Variants in KIF26A observed in about 807,000 individuals in gnomAD.
KIF26A encodes kinesin family member 26A.
Under a neutral mutation model 126.0 loss-of-function variants are expected in KIF26A, and 74 were observed. The observed-to-expected ratio is 0.59, with a 90% confidence interval of 0.49 to 0.71. The LOEUF (loss-of-function observed/expected upper bound fraction) is 0.71, where lower values mean the gene tolerates loss of function less well. KIF26A is among the 30% of genes least tolerant of loss of function. The pLI is 0.00. For synonymous variants in KIF26A, 1,445 were observed against 1,232.7 expected (o/e 1.17, Z -3.61); for missense variants, 2,984 against 2,763.3 (o/e 1.08, Z -1.79).
chr14:104,178,529 G>C (rs941266584), intron 12 of KIF26A, 21 bp from the exon 13 acceptor site: 8 of 1,439,498 alleles, frequency 5.6e-6, no homozygotes, highest in Non-Finnish European at 7.3e-6. Context: ...TGTTCACCCT[G>C]TGCCCGGCTC....
At chr14:104,174,703 G>T (rs7148484) in intron 11 of KIF26A, among the ~76,000 whole-genome samples, 1 of 152,118 alleles carries the variant, frequency 6.6e-6, no homozygotes, top group Non-Finnish European at 1.5e-5. Context: ...TGTGAGTCCT[G>T]GCCACTGGCC....
chr14:104,162,337 G>C (rs34785007), intron 4 of KIF26A, among the ~76,000 whole-genome samples: 1 of 152,088 alleles, frequency 6.6e-6, no homozygotes, highest in African/African-American at 2.4e-5. Context: ...GAGGACGCCC[G>C]GTCCCAGCCT....
intron 2 of KIF26A, among the ~76,000 whole-genome samples, chr14:104,140,795 CT>C (rs1222941114): frequency 3.3e-5 from 5 of 152,196 alleles, no homozygotes; most frequent in Non-Finnish European, 7.4e-5. Context: ...CTGGAAACTC[CT>C]CTTGAGTGCC....
chr14:104,159,438 C>T (rs1319196474), intron 4 of KIF26A, among the ~76,000 whole-genome samples: 1 of 152,214 alleles, frequency 6.6e-6, no homozygotes, highest in East Asian at 1.9e-4. Flanking sequence ...TGATGCTAAG[C>T]CCCCTGGTGC....
intron 12 of KIF26A, 22 bp downstream of exon 12, chr14:104,177,920 C>T (rs1285456695): frequency 8.1e-6 from 12 of 1,484,032 alleles, no homozygotes; most frequent in Non-Finnish European, 1.1e-5. Flanking sequence ...GGTGCACAGC[C>T]CTCTACAGTT....
intron 14 of KIF26A, 73 bp downstream of exon 14, chr14:104,179,459 C>T (rs2038076361): frequency 1.4e-6 from 2 of 1,438,784 alleles, no homozygotes; most frequent in South Asian, 1.4e-5. Flanking sequence ...CTCCCAGAGC[C>T]CTGTTGCTCT....
rs114622037 is a variant in KIF26A, at chr14:104,152,685, C to T, written c.735+224C>T. On this transcript the variant is annotated intron_variant, in intron 3 of 14. Transcript: ENST00000423312. This position sits in a 1 kb window ranked among gnomAD's most constrained non-coding sequence, Gnocchi z 5.9. The stretch of plus-strand genomic sequence containing the variant: ...CCCTGCCTGACTCAGGGAATACCTT[C>T]TCTGGGAGCACGTGCCCCTCCCTGT... Among the ~76,000 whole-genome samples, 805 of 152,362 alleles carry T rather than the reference C, an allele frequency of 5.3e-3. 14 individuals are homozygous for T. The highest frequency in any genetic ancestry group is 0.047 in the Admixed American group (713 of 15,310).
intron 12 of KIF26A, 25 bp from the exon 13 acceptor site, chr14:104,178,525 C>A (rs1018112522): frequency 5.6e-6 from 8 of 1,431,550 alleles, no homozygotes; most frequent in Non-Finnish European, 7.3e-6. Flanking sequence ...CCTCTGTTCA[C>A]CCTGTGCCCG....
Position 104,175,975 on chromosome 14 carries a change from CTGCGGGCCCTGGCCTCGGGGT to C in KIF26A, c.3188_3208del (p.Leu1063_Ser1070delinsPro), listed in dbSNP as rs1566865590. ...GGCTAGCTTCGACAGTGACTGCTCC[CTGCGGGCCCTGGCCTCGGGGT>C]CCCGGCCAGTCAGCATCATCAGCAG... On this transcript the variant is annotated inframe_deletion, in exon 12 of 15. Coordinates refer to ENST00000423312, the MANE Select transcript of KIF26A (RefSeq NM_015656.2). The C allele has an allele frequency of 6.3e-7, 1 of 1,575,708 alleles. No individual in the cohort carries two copies. The highest frequency in any genetic ancestry group is 1.8e-5 in the Admixed American group (1 of 56,602).
rs866780027 is a variant in KIF26A, at chr14:104,171,769, C to T, written c.1160C>T (p.Ser387Leu). ...RIWPAQGAQR[S>L]AEAMSFLKVD... ...TGGCCCGCACAGGGGGCCCAGCGCT[C>T]GGCCGAGGCCATGTCCTTCCTGAAG... Residue 387 changes from serine to leucine, a missense_variant, in exon 6 of 15, where the codon TCG (serine) becomes TTG (leucine). Transcript: ENST00000423312. 7 of 1,580,386 alleles carry T rather than the reference C, an allele frequency of 4.4e-6. No individual in the cohort carries two copies. The highest frequency in any genetic ancestry group is 1.2e-5 in the South Asian group (1 of 86,210).
rs574262657 is a variant in KIF26A, at chr14:104,179,094, C to T, written c.5317-142C>T. ...GGGCATGGGTGGGCTGCCCCAGGTC[C>T]GCCCCCTGCCCGCCCTTGGAGCCCC... On this transcript the variant is annotated intron_variant, in intron 13 of 14. Transcript: ENST00000423312. 67 of 985,366 alleles carry T rather than the reference C, an allele frequency of 6.8e-5. No homozygotes were observed. In the Admixed American group the frequency reaches 1.1e-3, roughly 17 times the overall value. 61.0% of individuals were successfully genotyped at this position (985,366 alleles called of 1,614,324 possible).
rs575330100 is a variant in KIF26A, at chr14:104,159,674, C to T, written c.923+1732C>T. ...GGTTCTCCCAAGGCGGGGGCGCTGC[C>T]GGCTGCCATTACTTCCAGCCTGTTA... is the stretch of plus-strand genomic sequence containing the variant. On this transcript the variant is annotated intron_variant, in intron 4 of 14. Transcript: ENST00000423312. Among the ~76,000 whole-genome samples the T allele has an allele frequency of 3.9e-5, 6 of 152,344 alleles. No homozygotes were observed. In the South Asian group the frequency reaches 1.2e-3, roughly 32 times the overall value.
At chr14:104,179,418 G>T (rs752491728) in intron 14 of KIF26A, 32 bp downstream of exon 14, 5 of 1,470,500 alleles carry the variant, frequency 3.4e-6, no homozygotes, top group Non-Finnish European at 3.6e-6. Flanking sequence ...ACCCAGCCCG[G>T]CCCACCGTGT....
At chr14:104,155,595 C>T (rs990955804) in intron 3 of KIF26A, among the ~76,000 whole-genome samples, 2 of 152,212 alleles carry the variant, frequency 1.3e-5, no homozygotes, top group East Asian at 1.9e-4. Context: ...CCCCTGCCCC[C>T]GGCTCTCGCT....
chr14:104,138,755 G>A lies in KIF26A; in HGVS notation c.33G>A (p.Ala11=). MVGRGVPLCA[A]QPAVAEGGPA... ...GCCGCGGCGTCCCTCTGTGCGCTGC[G>A]CAGCCCGCGGTACGCGCGGCCCGGC... The change falls in exon 1 of 15, where the codon GCG becomes GCA. Residue 11 remains alanine, a synonymous_variant. Coordinates refer to ENST00000423312, the MANE Select transcript of KIF26A (RefSeq NM_015656.2). 1 of 1,260,258 alleles carries A rather than the reference G, an allele frequency of 7.9e-7. No individual in the cohort carries two copies. The allele number at this position is 1,260,258 out of a possible 1,614,324, so 78.1% of individuals were successfully genotyped here.
intron 3 of KIF26A, among the ~76,000 whole-genome samples, chr14:104,154,179 A>G (rs1385685693): frequency 6.6e-6 from 1 of 152,052 alleles, no homozygotes; most frequent in African/African-American, 2.4e-5. Context: ...AATCTCCACC[A>G]CAGACCGTCA....
Position 104,152,233 on chromosome 14 carries a change from C to T in KIF26A, c.507C>T (p.Ser169=), listed in dbSNP as rs756362264. 34 of 1,599,266 alleles carry T rather than the reference C, an allele frequency of 2.1e-5. No homozygotes were observed. The East Asian group carries it at 7.3e-4, about 34-fold the overall frequency. The change falls in exon 3 of 15, where the codon AGC becomes AGT. Residue 169 remains serine, a synonymous_variant. Coordinates refer to ENST00000423312, the MANE Select transcript of KIF26A (RefSeq NM_015656.2). The surrounding 1 kb of genome is among the most constrained non-coding windows in gnomAD (Gnocchi z 5.9). ...TCGCACCCCCCAGCACCACGACCAG[C>T]TCGAGGGACACGCCAGGACCAGCGG... is the stretch of plus-strand genomic sequence containing the variant. ...PSLAPPSTTT[S]SRDTPGPAGP... is the part of the protein sequence containing the mutation.
At chr14:104,144,878 T>C (rs1386074180) in intron 2 of KIF26A, among the ~76,000 whole-genome samples, 1 of 152,256 alleles carries the variant, frequency 6.6e-6, no homozygotes, top group African/African-American at 2.4e-5. Context: ...TCGTGTCTGC[T>C]TCAGCCTGTT....
intron 2 of KIF26A, among the ~76,000 whole-genome samples, chr14:104,143,537 C>A (rs1223570558): frequency 2.0e-5 from 3 of 152,222 alleles, no homozygotes; most frequent in Non-Finnish European, 2.9e-5. Flanking sequence ...CCTCTTAGCC[C>A]CCTGGATGGA....
Sources: allele counts gnomAD v4.1 joint callset (sites outside exome capture counted in the v4.1 genomes callset), GRCh38; gene constraint gnomAD v4.1.1; non-coding constraint Gnocchi (gnomAD v3.1); transcripts MANE v1.5; gene names NCBI Gene and HGNC (gene_info 2026-07-23, HGNC 2026-07-21).